MDGA2: variants seen among roughly 807,000 people sequenced by gnomAD.
MDGA2 encodes the protein MAM domain containing glycosylphosphatidylinositol anchor 2, also known as MAM domain-containing glycosylphosphatidylinositol anchor protein 2.
In MDGA2, 40 loss-of-function variants were observed where a neutral mutation model predicts 117.8. That is an observed-to-expected ratio of 0.34 (90% CI 0.26 to 0.44). The LOEUF is 0.44. Among genes scored for constraint, MDGA2 ranks in the 20% least tolerant of loss-of-function variants. The probability of loss-of-function intolerance (pLI) is 1.00; values close to 1 mark genes in which losing one functional copy is unlikely to be tolerated. For synonymous variants in MDGA2, 452 were observed against 439.0 expected, an observed-to-expected ratio of 1.03 and a Z score of -0.37; for missense variants, 1,123 against 1,250.6, an observed-to-expected ratio of 0.90 and a Z score of 1.54.
intron 2 of MDGA2, among the ~76,000 whole-genome samples, chr14:47,243,918 T>G (rs1887154122): frequency 6.6e-6 from 1 of 151,872 alleles, no homozygotes; most frequent in African/African-American, 2.4e-5. Context: ...TCTCTGGGTC[T>G]TAGTTTATGG....
intron 7 of MDGA2, among the ~76,000 whole-genome samples, chr14:47,042,314 T>A (rs1271543835): frequency 2.2e-5 from 1 of 45,274 alleles, no homozygotes; most frequent in Non-Finnish European, 4.6e-5. Context: ...AAATCTATGT[T>A]TTTTTTTTTT....
Position 47,675,411 on chromosome 14 carries a change from G to A in MDGA2, c.-615C>T, listed in dbSNP as rs960789973. 6.6e-6 allele frequency among the ~76,000 whole-genome samples: 1 copy of A among 152,008 alleles called. No individual in the cohort carries two copies. Among genetic ancestry groups the A allele is most frequent in the Non-Finnish European group, 1.5e-5 (1 of 67,998 alleles). ...GAGGGAAGGGAGGAGGGGGAAGAAG[G>A]AGGAGGAAAGGGTCCAACAGGGAGC... On this transcript the variant is annotated 5_prime_UTR_variant, in exon 1 of 17. Coordinates refer to ENST00000399232, the MANE Select transcript of MDGA2 (RefSeq NM_001113498.3).
At chr14:47,000,783 T>C (rs1356003440) in intron 8 of MDGA2, among the ~76,000 whole-genome samples, 1 of 151,914 alleles carries the variant, frequency 6.6e-6, no homozygotes, top group Non-Finnish European at 1.5e-5. Context: ...AGCTACACTT[T>C]GAATATTTGA....
chr14:46,882,881 G>T (rs995141755), intron 10 of MDGA2, among the ~76,000 whole-genome samples: 3 of 151,834 alleles, frequency 2.0e-5, no homozygotes, highest in African/African-American at 7.2e-5. Flanking sequence ...ATTTACCATG[G>T]GATTTGGCAA....
At chr14:46,954,240 C>T (rs551871387) in intron 9 of MDGA2, among the ~76,000 whole-genome samples, 1 of 151,978 alleles carries the variant, frequency 6.6e-6, no homozygotes, top group South Asian at 2.1e-4. Flanking sequence ...ACACGTGCAC[C>T]CATGTCTCCA....
At chr14:46,892,917 T>C (rs1882937437) in intron 10 of MDGA2, among the ~76,000 whole-genome samples, 2 of 152,014 alleles carry the variant, frequency 1.3e-5, no homozygotes, top group Non-Finnish European at 2.9e-5. Flanking sequence ...GTATGTAGAT[T>C]GGTTCAGCCA....
chr14:47,133,265 TTG>T (rs767800851), intron 4 of MDGA2, among the ~76,000 whole-genome samples: 1 of 151,922 alleles, frequency 6.6e-6, no homozygotes, highest in African/African-American at 2.4e-5. Context: ...AACTATTCTC[TTG>T]TGTTACAGAA....
intron 1 of MDGA2, among the ~76,000 whole-genome samples, chr14:47,664,718 G>A (rs2138300390): frequency 6.6e-6 from 1 of 152,284 alleles, no homozygotes; most frequent in Middle Eastern, 3.4e-3. Context: ...TCATCCCAGT[G>A]GCTGTACATT....
Position 46,992,599 on chromosome 14 carries a change from T to A in MDGA2, c.1820-34956A>T, listed in dbSNP as rs187079931. ...TATAATGTAGTGACTTTTATTTGTA[T>A]AATGTTTTTCACTCAAGAATAGAAT... On this transcript the variant is annotated intron_variant, in intron 8 of 16. Transcript: ENST00000399232. Among the ~76,000 whole-genome samples the A allele has an allele frequency of 3.9e-5, 6 of 152,322 alleles. No homozygotes were observed. In the East Asian group the frequency reaches 1.2e-3, roughly 29 times the overall value.
At chr14:47,481,657 C>G (rs1038578954) in intron 1 of MDGA2, among the ~76,000 whole-genome samples, 1 of 151,864 alleles carries the variant, frequency 6.6e-6, no homozygotes, top group Non-Finnish European at 1.5e-5. Context: ...AAGTCACATA[C>G]GAGAAATGAT....
At chr14:47,466,140 G>C (rs577795228) in intron 1 of MDGA2, among the ~76,000 whole-genome samples, 1 of 152,036 alleles carries the variant, frequency 6.6e-6, no homozygotes, top group Admixed American at 6.6e-5. Context: ...AGCACAAAAA[G>C]GGAACAACAG....
chr14:47,249,023 G>GT (rs33940856), intron 2 of MDGA2, among the ~76,000 whole-genome samples: 31,778 of 106,606 alleles, frequency 0.3, 4,334 homozygotes, highest in East Asian at 0.51. Context: ...TGTTGTTGTT[G>GT]TTGTTTTTTG....
At chr14:47,304,062 G>A (rs1412901114) in intron 1 of MDGA2, among the ~76,000 whole-genome samples, 1 of 152,156 alleles carries the variant, frequency 6.6e-6, no homozygotes, top group Non-Finnish European at 1.5e-5. Flanking sequence ...TATCCTGTAG[G>A]AGGGTGGAAT....
chr14:47,330,742 A>G (rs1049263724), intron 1 of MDGA2, among the ~76,000 whole-genome samples: 12 of 152,032 alleles, frequency 7.9e-5, no homozygotes, highest in Admixed American at 2.0e-4. Context: ...TGAGATACTT[A>G]GGCTCAAAAA....
intron 1 of MDGA2, among the ~76,000 whole-genome samples, chr14:47,499,720 A>G (rs1756148408): frequency 1.3e-5 from 2 of 152,122 alleles, no homozygotes; most frequent in African/African-American, 4.8e-5. Context: ...TCTTTTGATG[A>G]GTTGTTGTAC....
At chr14:46,882,394 G>A (rs1464340930) in intron 10 of MDGA2, among the ~76,000 whole-genome samples, 173 bp from the exon 11 acceptor site, 8 of 151,412 alleles carry the variant, frequency 5.3e-5, no homozygotes, top group Admixed American at 5.3e-4. Flanking sequence ...ATGTTTGCAT[G>A]CATATGTTTG....
intron 1 of MDGA2, among the ~76,000 whole-genome samples, chr14:47,373,582 C>G (rs7161018): frequency 0.56 from 84,446 of 152,004 alleles, 23,855 homozygotes; most frequent in South Asian, 0.63. Flanking sequence ...TGGTTACGTT[C>G]ATATAGACCT....
chr14:47,160,796 GAC>G (rs1339120878), intron 3 of MDGA2, among the ~76,000 whole-genome samples: 1 of 152,132 alleles, frequency 6.6e-6, no homozygotes, highest in Non-Finnish European at 1.5e-5. Flanking sequence ...ATATCCATCT[GAC>G]CTGGTGCCAT....
At chr14:47,593,222 C>A (rs892450007) in intron 1 of MDGA2, among the ~76,000 whole-genome samples, 1 of 152,072 alleles carries the variant, frequency 6.6e-6, no homozygotes, top group Non-Finnish European at 1.5e-5. Context: ...ACTAAAAAGT[C>A]AAGAAACAAC....
Sources: allele counts gnomAD v4.1 joint callset (sites outside exome capture counted in the v4.1 genomes callset), GRCh38; gene constraint gnomAD v4.1.1; transcripts MANE v1.5; gene names NCBI Gene and HGNC (gene_info 2026-07-23, HGNC 2026-07-21).